Variants in SHLD2 observed in about 807,000 individuals in gnomAD.
SHLD2 encodes shieldin complex subunit 2, also known as RINN1-REV7-interacting novel NHEJ regulator 2.
In SHLD2, 30 loss-of-function variants were observed where a neutral mutation model predicts 73.2. The ratio of observed to expected loss-of-function variants is 0.41; its 90% CI spans 0.31 to 0.56. The LOEUF is 0.56. Ranked by LOEUF, SHLD2 falls within the 20% of genes least tolerant of loss-of-function variation. The pLI is 0.28. For synonymous variants in SHLD2, 285 were observed against 370.1 expected, an observed-to-expected ratio of 0.77 and a Z score of 2.64; for missense variants, 745 against 1,055.9, an observed-to-expected ratio of 0.71 and a Z score of 4.08.
intron 3 of SHLD2, 107 bp from the exon 4 acceptor site, chr10:87,157,941 A>T: frequency 3.5e-6 from 3 of 845,832 alleles, no homozygotes; most frequent in Non-Finnish European, 5.4e-6. Context: ...TTTGATCTCT[A>T]CTTGCTTGGT....
intron 2 of SHLD2, among the ~76,000 whole-genome samples, chr10:87,110,850 T>TC (rs906977382): frequency 2.0e-5 from 3 of 151,982 alleles, no homozygotes; most frequent in African/African-American, 7.2e-5. Flanking sequence ...AAAATTAATT[T>TC]TTTTTTTTTG....
At chr10:87,156,154 C>T (rs1382148746) in intron 3 of SHLD2, among the ~76,000 whole-genome samples, 1 of 150,986 alleles carries the variant, frequency 6.6e-6, no homozygotes, top group Non-Finnish European at 1.5e-5. Context: ...GCAACCTCTG[C>T]CTCCTGGGTT....
chr10:87,099,261 T>C (rs1777559597), intron 2 of SHLD2, among the ~76,000 whole-genome samples: 1 of 152,218 alleles, frequency 6.6e-6, no homozygotes, highest in Admixed American at 6.5e-5. Flanking sequence ...CTCTTAAAAA[T>C]ATTTTAGAAG....
chr10:87,094,944 C>T, upstream of SHLD2: 1 of 322,296 alleles, frequency 3.1e-6, no homozygotes, highest in Non-Finnish European at 5.5e-6. This position sits in a 1 kb window ranked among gnomAD's most constrained non-coding sequence, Gnocchi z 6.6. Flanking sequence ...GGACGGACTT[C>T]GGGGACAGGG....
Position 87,105,960 on chromosome 10 carries a change from C to T in SHLD2, c.-6+8971C>T, listed in dbSNP as rs192714929. The stretch of plus-strand genomic sequence containing the variant: ...TTTTGGCCTCTGAAGTACAGGCAGA[C>T]TGTGCCAGCCAGGAAGAAAGGTAGA... On this transcript the variant is annotated intron_variant, in intron 2 of 9. Transcript: ENST00000298786. 3.3e-5 allele frequency among the ~76,000 whole-genome samples: 5 copies of T among 152,312 alleles called. No individual in the cohort carries two copies. The East Asian group carries it at 9.6e-4, about 29-fold the overall frequency.
chr10:87,152,993 G>A (rs3129513), intron 3 of SHLD2, 114 bp downstream of exon 3: 9 of 1,016,226 alleles, frequency 8.9e-6, no homozygotes, highest in African/African-American at 4.9e-5. Context: ...TCTTCTGAGC[G>A]CAGCATAATT....
At chr10:87,115,907 A>G (rs558444541) in intron 2 of SHLD2, among the ~76,000 whole-genome samples, 1 of 152,278 alleles carries the variant, frequency 6.6e-6, no homozygotes, top group Non-Finnish European at 1.5e-5. Flanking sequence ...GAATTATCAT[A>G]GAAACTTTAA....
intron 4 of SHLD2, among the ~76,000 whole-genome samples, chr10:87,168,733 G>C (rs1203330035): frequency 2.0e-5 from 3 of 152,102 alleles, no homozygotes; most frequent in Admixed American, 2.0e-4. Context: ...GCTAAACACT[G>C]GCTACTCATG....
At chr10:87,180,009 A>C in intron 7 of SHLD2, 66 bp from the exon 8 acceptor site, 1 of 1,128,998 alleles carries the variant, frequency 8.9e-7, no homozygotes, top group South Asian at 1.3e-5. Context: ...AAAATTAGCC[A>C]TGTTTGTAAA....
Position 87,152,013 on chromosome 10 carries a change from A to G in SHLD2, c.659A>G (p.Asp220Gly), listed in dbSNP as rs1846048937. ...CLGLFSSNAV[D>G]KSRSEAAVRK... Reference sequence around the variant, plus strand: ...GGATTATTTTCCTCGAACGCAGTAGATAAGTCAAGGTCTGAAGCAGCAGTT... The same window carrying G: ...GGATTATTTTCCTCGAACGCAGTAGGTAAGTCAAGGTCTGAAGCAGCAGTT... Residue 220 changes from aspartate (D) to glycine (G), a missense_variant, in exon 3 of 10, where the codon GAT becomes GGT. This residue lies in a region of SHLD2 where 280 missense variants were observed against 353.9 expected (regional missense o/e 0.79). Coordinates refer to ENST00000298786, the MANE Select transcript of SHLD2 (RefSeq NM_001330112.2). The G allele has an allele frequency of 2.5e-6, 4 of 1,611,870 alleles. No individual in the cohort carries two copies. Among genetic ancestry groups the G allele is most frequent in the South Asian group, 2.2e-5 (2 of 90,992 alleles).
At chr10:87,107,029 G>A (rs1262910388) in intron 2 of SHLD2, among the ~76,000 whole-genome samples, 1 of 140,222 alleles carries the variant, frequency 7.1e-6, no homozygotes, top group Admixed American at 7.7e-5. Context: ...GAGGGCCATC[G>A]AAAACTAGTG....
chr10:87,113,402 C>T (rs1157159017), intron 2 of SHLD2, among the ~76,000 whole-genome samples: 1 of 152,182 alleles, frequency 6.6e-6, no homozygotes, highest in African/African-American at 2.4e-5. Context: ...GAGTGAAGTA[C>T]AGATTCATGC....
intron 2 of SHLD2, among the ~76,000 whole-genome samples, chr10:87,148,566 C>T (rs5786764): frequency 1.7e-4 from 19 of 114,806 alleles, no homozygotes; most frequent in East Asian, 2.9e-4. Flanking sequence ...TGTGGGGGGG[C>T]GGGGGTTGGT....
intron 2 of SHLD2, among the ~76,000 whole-genome samples, chr10:87,138,755 C>A (rs974277884): frequency 1.3e-5 from 2 of 152,302 alleles, no homozygotes; most frequent in South Asian, 4.1e-4. Context: ...GAATCATTCT[C>A]CTACAGTAAA....
At chr10:87,157,822 A>G (rs1846539967) in intron 3 of SHLD2, among the ~76,000 whole-genome samples, 1 of 152,252 alleles carries the variant, frequency 6.6e-6, no homozygotes, top group Non-Finnish European at 1.5e-5. Context: ...GTGGACTTCC[A>G]TACTGCTATC....
chr10:87,117,370 G>A (rs923891396), intron 2 of SHLD2, among the ~76,000 whole-genome samples: 12 of 152,190 alleles, frequency 7.9e-5, no homozygotes, highest in Admixed American at 6.5e-4. Flanking sequence ...GGTGAGCCGA[G>A]ATTGCACCAT....
At chr10:87,144,461 G>A (rs1172024468) in intron 2 of SHLD2, among the ~76,000 whole-genome samples, 1 of 152,066 alleles carries the variant, frequency 6.6e-6, no homozygotes, top group East Asian at 1.9e-4. Context: ...GGCTTTAGTG[G>A]CTATTACTTT....
Position 87,122,770 on chromosome 10 carries a change from T to C in SHLD2, c.-6+25781T>C, listed in dbSNP as rs552369329. 3.5e-3 allele frequency among the ~76,000 whole-genome samples: 530 copies of C among 152,286 alleles called. 5 individuals are homozygous for C. Among genetic ancestry groups the C allele is most frequent in the African/African-American group, 0.012 (516 of 41,566 alleles). ...CAATAAGGTGTTTTTATTTATTTAT[T>C]TTTGTTTATTTTTATTTTATTTTTT... On this transcript the variant is annotated intron_variant, in intron 2 of 9. Transcript: ENST00000298786.
chr10:87,125,563 C>T (rs1315082372), intron 2 of SHLD2, among the ~76,000 whole-genome samples: 11 of 152,148 alleles, frequency 7.2e-5, no homozygotes, highest in Non-Finnish European at 1.3e-4. Context: ...GGTGAAACCC[C>T]GTCTCTACTG....
Sources: allele counts gnomAD v4.1 joint callset (sites outside exome capture counted in the v4.1 genomes callset), GRCh38; gene constraint gnomAD v4.1.1; regional missense constraint gnomAD v4.1.1; non-coding constraint Gnocchi (gnomAD v3.1); transcripts MANE v1.5; gene names NCBI Gene and HGNC (gene_info 2026-07-23, HGNC 2026-07-21).